TSHZ3: variants seen among roughly 807,000 people sequenced by gnomAD.
TSHZ3 encodes teashirt homolog 3.
A neutral mutation model predicts 64.5 loss-of-function variants in TSHZ3; 10 were observed. The observed-to-expected ratio is 0.16, with a 90% CI of 0.10 to 0.26. TSHZ3 has a LOEUF of 0.26. Ranked by LOEUF, TSHZ3 falls within the 10% of genes least tolerant of loss-of-function variation. TSHZ3 has a pLI of 1.00. For missense variants in TSHZ3, 1,242 were observed against 1,421.7 expected (o/e 0.87, Z 2.03); for synonymous variants, 608 against 593.1 (o/e 1.03, Z -0.36).
intron 4 of TSHZ3, among the ~76,000 whole-genome samples, chr19:31,225,258 G>A (rs566233303): frequency 6.6e-5 from 10 of 152,290 alleles, no homozygotes; most frequent in South Asian, 4.1e-4. Flanking sequence ...AGCCTCAGAC[G>A]GTGGAGATGT....
chr19:31,186,346 TGGG>T (rs988285046), intron 5 of TSHZ3, among the ~76,000 whole-genome samples: 8 of 152,154 alleles, frequency 5.3e-5, no homozygotes, highest in Admixed American at 4.6e-4. Context: ...AATAGAATCA[TGGG>T]GGGCGGTTAC....
chr19:31,257,736 T>C (rs1975930889), intron 1 of TSHZ3, among the ~76,000 whole-genome samples: 1 of 152,218 alleles, frequency 6.6e-6, no homozygotes, highest in East Asian at 1.9e-4. Context: ...TCCCTGGGCC[T>C]GACCTCCTGC....
At chr19:31,339,914 A>AG (rs1917380018) in intron 1 of TSHZ3, among the ~76,000 whole-genome samples, 1 of 151,812 alleles carries the variant, frequency 6.6e-6, no homozygotes, top group African/African-American at 2.4e-5. Context: ...TAAAAAAAAA[A>AG]AAAGAAAGAA....
chr19:31,311,252 T>C (rs908838045), intron 1 of TSHZ3, among the ~76,000 whole-genome samples: 4 of 152,260 alleles, frequency 2.6e-5, no homozygotes, highest in African/African-American at 9.6e-5. Context: ...AAGGGGGTTA[T>C]TAATCCACCT....
At chr19:31,225,869 G>C (rs368151497) in intron 4 of TSHZ3, among the ~76,000 whole-genome samples, 1 of 152,134 alleles carries the variant, frequency 6.6e-6, no homozygotes, top group Non-Finnish European at 1.5e-5. Flanking sequence ...GCTCATGCCC[G>C]TAACCCCAGC....
chr19:31,183,198 C>CTCTCTCTCTCTCTCTCTCTCTT (rs1974747051), intron 5 of TSHZ3, among the ~76,000 whole-genome samples: 1 of 67,426 alleles, frequency 1.5e-5, no homozygotes, highest in Non-Finnish European at 2.6e-5. Context: ...CTCTCTCTCT[C>CTCTCTCTCTCTCTCTCTCTCTT]TCTCTCTCTC....
rs539174180 is a variant in TSHZ3, at chr19:31,151,143, G to T, written n.1473C>A. ...CACAGGGAAGTTTTGACGAAGAGGA[G>T]AAAAGAGAGGAGGCAGGCGGACAGG... On this transcript the variant is annotated non_coding_transcript_exon_variant, in exon 7 of 7. Transcript: ENST00000651361. Among the ~76,000 whole-genome samples the T allele has an allele frequency of 2.6e-5, 4 of 152,286 alleles. No homozygotes were observed. The South Asian group carries it at 8.3e-4, about 32-fold the overall frequency.
intron 3 of TSHZ3, among the ~76,000 whole-genome samples, chr19:31,236,225 A>G (rs1975612397): frequency 6.6e-6 from 1 of 152,230 alleles, no homozygotes; most frequent in Admixed American, 6.5e-5. Flanking sequence ...ACTGTTTTCC[A>G]CAATGGCTGT....
At position 31,223,365 on chromosome 19, in the gene TSHZ3, CGTGTGTGT is replaced by C. The variant is rs10551485; in HGVS notation, n.686+4632_686+4639del. On this transcript the variant is annotated intron_variant and non_coding_transcript_variant, in intron 4 of 6. Transcript: ENST00000651361. ...TGGACTCTAATTTTAGTTCTTATAACGTGTGTGTGTGTGTGTGTGTGTGTGTGTGTGTG... is the reference window on the plus strand; with the variant it reads ...TGGACTCTAATTTTAGTTCTTATAACGTGTGTGTGTGTGTGTGTGTGTGTG... 4.8e-4 allele frequency among the ~76,000 whole-genome samples: 68 copies of C among 142,494 alleles called. No individual in the cohort carries two copies. The East Asian group carries it at 6.3e-3, about 13-fold the overall frequency. The allele number at this position is 142,494 out of a possible 152,430, so 93.5% of individuals were successfully genotyped here. A position where few individuals can be genotyped will look rare whatever the true frequency, so the allele number is the denominator to read the frequency against.
intron 1 of TSHZ3, among the ~76,000 whole-genome samples, chr19:31,269,535 T>C (rs761980486): frequency 3.3e-5 from 5 of 150,694 alleles, no homozygotes; most frequent in Admixed American, 6.6e-5. Context: ...GAGAGTCACA[T>C]AAAGGAAAAA....
At chr19:31,200,968 T>C (rs1975076065) in intron 5 of TSHZ3, among the ~76,000 whole-genome samples, 2 of 151,640 alleles carry the variant, frequency 1.3e-5, no homozygotes, top group Non-Finnish European at 2.9e-5. Context: ...TAAACTGTAC[T>C]TTAAAGCAAG....
rs560742967 is a variant in TSHZ3 at position 31,269,085 on chromosome 19, G to A, written n.64-26210C>T. 9.2e-5 allele frequency among the ~76,000 whole-genome samples: 14 copies of A among 152,060 alleles called. No homozygotes were observed. In the East Asian group the frequency reaches 9.8e-4, roughly 11 times the overall value. ...CGCCTTCCTCTATCTCCAGCCACAC[G>A]CACTTCTTCCTGAGGGCTGTCATAG... On this transcript the variant is annotated intron_variant and non_coding_transcript_variant, in intron 1 of 6. Coordinates refer to the TSHZ3 transcript ENST00000651361.
At chr19:31,176,305 A>G (rs530882716) in intron 5 of TSHZ3, among the ~76,000 whole-genome samples, 16 of 152,208 alleles carry the variant, frequency 1.1e-4, no homozygotes, top group Non-Finnish European at 2.2e-4. Flanking sequence ...TTCAGAGTTG[A>G]CAATCAAGTT....
chr19:31,187,586 T>C (rs1568341421), intron 5 of TSHZ3, among the ~76,000 whole-genome samples: 1 of 152,128 alleles, frequency 6.6e-6, no homozygotes. Flanking sequence ...TACACTTAGG[T>C]CTATAATCTA....
At chr19:31,177,521 C>G (rs562029933) in intron 5 of TSHZ3, among the ~76,000 whole-genome samples, 1 of 152,364 alleles carries the variant, frequency 6.6e-6, no homozygotes, top group South Asian at 2.1e-4. Context: ...CCCTTCTCCT[C>G]TGCATGCCTT....
intron 5 of TSHZ3, among the ~76,000 whole-genome samples, chr19:31,166,356 G>T (rs1404855397): frequency 3.9e-5 from 6 of 152,178 alleles, no homozygotes; most frequent in Non-Finnish European, 8.8e-5. Flanking sequence ...GACCCAGTGT[G>T]GTTTTGTTCC....
chr19:31,303,508 A>T (rs1030191576), intron 1 of TSHZ3, among the ~76,000 whole-genome samples: 2 of 152,014 alleles, frequency 1.3e-5, no homozygotes, highest in Non-Finnish European at 2.9e-5. Flanking sequence ...CACAGGGCCC[A>T]TCTGGCACCT....
chr19:31,333,973 C>T (rs538537808), intron 1 of TSHZ3, among the ~76,000 whole-genome samples: 1 of 152,286 alleles, frequency 6.6e-6, no homozygotes, highest in African/African-American at 2.4e-5. Flanking sequence ...CAAATAATAC[C>T]TTGCTCCCTC....
intron 1 of TSHZ3, among the ~76,000 whole-genome samples, chr19:31,325,172 G>A (rs1393873308): frequency 1.3e-5 from 2 of 152,184 alleles, no homozygotes; most frequent in Non-Finnish European, 2.9e-5. Flanking sequence ...GCGACCTCAG[G>A]TAATGAGGAT....
Sources: allele counts gnomAD v4.1 joint callset (sites outside exome capture counted in the v4.1 genomes callset), GRCh38; gene constraint gnomAD v4.1.1; transcripts MANE v1.5; gene names NCBI Gene and HGNC (gene_info 2026-07-23, HGNC 2026-07-21).